ERC1: variants seen among roughly 807,000 people sequenced by gnomAD.
ERC1 encodes RAB6 interacting protein 2.
A neutral mutation model predicts 132.0 loss-of-function variants in ERC1; 56 were observed. The observed-to-expected ratio is 0.42, with a 90% CI of 0.34 to 0.53. The LOEUF (loss-of-function observed/expected upper bound fraction) is 0.53, where lower values mean the gene tolerates loss of function less well. Ranked by LOEUF, ERC1 falls within the 20% of genes least tolerant of loss-of-function variation. ERC1 has a pLI of 0.03. For missense variants in ERC1, 1,202 were observed against 1,349.9 expected (o/e 0.89, Z 1.72); for synonymous variants, 478 against 476.1 (o/e 1.00, Z -0.05).
At chr12:1,393,457 C>T (rs930212401) in intron 16 of ERC1, among the ~76,000 whole-genome samples, 3 of 152,152 alleles carry the variant, frequency 2.0e-5, no homozygotes, top group Non-Finnish European at 4.4e-5. Flanking sequence ...TCGCTTGAGC[C>T]CAGGTGGTCA....
intron 1 of ERC1, among the ~76,000 whole-genome samples, chr12:1,019,552 C>G (rs1358964151): frequency 6.6e-6 from 1 of 152,152 alleles, no homozygotes; most frequent in African/African-American, 2.4e-5. Context: ...GTGAAAAAGG[C>G]CAATGACATC....
intron 15 of ERC1, among the ~76,000 whole-genome samples, chr12:1,344,849 A>G (rs2084284807): frequency 6.6e-6 from 1 of 152,220 alleles, no homozygotes; most frequent in Non-Finnish European, 1.5e-5. Context: ...CTGCTTGTCT[A>G]GGGTCATACA....
At chr12:1,478,714 G>T (rs1055528487) in intron 18 of ERC1, among the ~76,000 whole-genome samples, 7 of 151,954 alleles carry the variant, frequency 4.6e-5, no homozygotes, top group African/African-American at 1.7e-4. Flanking sequence ...GTGTGAACCC[G>T]GGATGTGGAG....
intron 12 of ERC1, among the ~76,000 whole-genome samples, chr12:1,214,801 C>G (rs930530760): frequency 6.6e-6 from 1 of 152,006 alleles, no homozygotes; most frequent in Non-Finnish European, 1.5e-5. Flanking sequence ...ATTTACTTCT[C>G]ACAGTTCTAT....
intron 15 of ERC1, among the ~76,000 whole-genome samples, chr12:1,314,614 G>T (rs1228832098): frequency 1.3e-5 from 2 of 152,098 alleles, no homozygotes; most frequent in Non-Finnish European, 2.9e-5. Flanking sequence ...TTGACATAAG[G>T]TATTTTTAAC....
At chr12:1,440,151 G>A (rs944203278) in intron 17 of ERC1, among the ~76,000 whole-genome samples, 8 of 150,582 alleles carry the variant, frequency 5.3e-5, no homozygotes, top group Non-Finnish European at 5.9e-5. Context: ...TTTTTATCCC[G>A]GATAAACAAT....
intron 12 of ERC1, among the ~76,000 whole-genome samples, chr12:1,195,633 T>C (rs1956148744): frequency 6.6e-6 from 1 of 152,204 alleles, no homozygotes; most frequent in South Asian, 2.1e-4. Flanking sequence ...CGGGATGTGA[T>C]ACCCATAATT....
At chr12:1,367,397 A>G (rs946886637) in intron 15 of ERC1, among the ~76,000 whole-genome samples, 2 of 152,188 alleles carry the variant, frequency 1.3e-5, no homozygotes, top group Non-Finnish European at 2.9e-5. Context: ...AATTTGACAT[A>G]CTCAGTTGGA....
At chr12:1,139,604 G>A (rs1004772542) in intron 7 of ERC1, among the ~76,000 whole-genome samples, 2 of 152,106 alleles carry the variant, frequency 1.3e-5, no homozygotes, top group Non-Finnish European at 2.9e-5. Flanking sequence ...ACGACAAGGG[G>A]GGATTACTGT....
chr12:1,040,303 CTTTTTCTT>C (rs1431775206), intron 2 of ERC1, among the ~76,000 whole-genome samples: 4 of 149,714 alleles, frequency 2.7e-5, no homozygotes, highest in African/African-American at 4.9e-5. Context: ...ACTCATTTTT[CTTTTTCTT>C]TTTTTCTTTT....
At chr12:1,210,789 G>T (rs1317548997) in intron 12 of ERC1, among the ~76,000 whole-genome samples, 1 of 151,974 alleles carries the variant, frequency 6.6e-6, no homozygotes, top group Non-Finnish European at 1.5e-5. Context: ...AGGTCAAGAG[G>T]TAAAGACCAG....
At chr12:1,209,824 T>TA in intron 12 of ERC1, among the ~76,000 whole-genome samples, 1 of 152,332 alleles carries the variant, frequency 6.6e-6, no homozygotes, top group South Asian at 2.1e-4. Flanking sequence ...TCTCCTTTTT[T>TA]AAAAAATTCA....
At chr12:1,124,340 G>A (rs898409793) in intron 7 of ERC1, among the ~76,000 whole-genome samples, 1 of 152,254 alleles carries the variant, frequency 6.6e-6, no homozygotes, top group East Asian at 1.9e-4. Flanking sequence ...AATAAAGGTA[G>A]TAAAGAACAG....
At chr12:1,029,744 C>CTTTTTT (rs747890124) in intron 2 of ERC1, among the ~76,000 whole-genome samples, 6 of 114,234 alleles carry the variant, frequency 5.3e-5, no homozygotes, top group African/African-American at 6.5e-5. Context: ...GTTAAACATA[C>CTTTTTT]TTTTTTTTTT....
At chr12:1,262,681 G>A (rs2077217302) in intron 13 of ERC1, among the ~76,000 whole-genome samples, 1 of 151,794 alleles carries the variant, frequency 6.6e-6, no homozygotes, top group African/African-American at 2.4e-5. Context: ...TCTCATCAAA[G>A]CTGGCTTTAT....
At chr12:1,000,373 C>A (rs1016232068) in intron 1 of ERC1, among the ~76,000 whole-genome samples, 38 of 151,764 alleles carry the variant, frequency 2.5e-4, no homozygotes, top group Non-Finnish European at 1.0e-4. Context: ...GTAATCACAG[C>A]CACTCTGGAG....
intron 12 of ERC1, among the ~76,000 whole-genome samples, chr12:1,219,186 A>G (rs371307783): frequency 1.3e-5 from 2 of 152,104 alleles, no homozygotes; most frequent in Non-Finnish European, 2.9e-5. Flanking sequence ...GACTTCTTCA[A>G]GTCTAAGGCA....
chr12:990,581 T>C (rs1480557879), upstream of ERC1: 2 of 152,266 alleles, frequency 1.3e-5, no homozygotes, highest in South Asian at 2.1e-4. Context: ...ACGACGTCCA[T>C]TGCTGGGGTC....
intron 13 of ERC1, among the ~76,000 whole-genome samples, chr12:1,237,874 T>C (rs990557422): frequency 6.6e-6 from 1 of 152,352 alleles, no homozygotes; most frequent in East Asian, 1.9e-4. Context: ...GGTCTGATAC[T>C]GTGTATATGC....
Sources: allele counts gnomAD v4.1 joint callset (sites outside exome capture counted in the v4.1 genomes callset), GRCh38; gene constraint gnomAD v4.1.1; transcripts MANE v1.5; gene names NCBI Gene and HGNC (gene_info 2026-07-23, HGNC 2026-07-21).